PUS7: variants seen among roughly 807,000 people sequenced by gnomAD.
PUS7 encodes the protein pseudouridine synthase 7.
A neutral mutation model predicts 79.8 loss-of-function variants in PUS7; 48 were observed. That is an observed-to-expected ratio of 0.60 (90% confidence interval 0.48 to 0.76). The LOEUF (loss-of-function observed/expected upper bound fraction) is 0.76, where lower values mean the gene tolerates loss of function less well. PUS7 is among the 30% of genes least tolerant of loss of function. The pLI is 0.00. For synonymous variants in PUS7, 286 were observed against 272.2 expected (o/e 1.05, Z -0.50); for missense variants, 729 against 797.6 (o/e 0.91, Z 1.04).
At chr7:105,496,003 T>C (rs1205360174) in intron 5 of PUS7, among the ~76,000 whole-genome samples, 6 of 151,524 alleles carry the variant, frequency 4.0e-5, no homozygotes, top group Non-Finnish European at 5.9e-5. Context: ...CTACTAAAAA[T>C]ACAAAAATTA....
At chr7:105,511,757 T>A (rs1825710485) in intron 1 of PUS7, among the ~76,000 whole-genome samples, 2 of 151,776 alleles carry the variant, frequency 1.3e-5, no homozygotes, top group Admixed American at 6.6e-5. Context: ...CGAGTCTCCA[T>A]CTCAAACAAA....
chr7:105,470,484 C>G (rs1823827860), intron 11 of PUS7: 1 of 425,018 alleles, frequency 2.4e-6, no homozygotes. Context: ...TTTCTTGTGC[C>G]CTCAATAAGT....
intron 9 of PUS7, among the ~76,000 whole-genome samples, chr7:105,476,149 A>T (rs914582979): frequency 6.7e-6 from 1 of 148,846 alleles, no homozygotes; most frequent in African/African-American, 2.5e-5. Flanking sequence ...AAAAAAAAAA[A>T]TTCCTCCTTT....
intron 9 of PUS7, among the ~76,000 whole-genome samples, chr7:105,475,254 C>G (rs557815915): frequency 6.6e-6 from 1 of 152,036 alleles, no homozygotes; most frequent in Non-Finnish European, 1.5e-5. Context: ...GGCACGATCT[C>G]GGCTCACTGC....
chr7:105,459,228 G>GA lies in PUS7; in HGVS notation c.1788dup (p.Pro597SerfsTer21). The GA allele has an allele frequency of 6.2e-7, 1 of 1,611,134 alleles. No homozygotes were observed. Among genetic ancestry groups the GA allele is most frequent in the Non-Finnish European group, 8.5e-7 (1 of 1,178,326 alleles). On this transcript the variant is annotated frameshift_variant, in exon 15 of 16. Transcript: ENST00000469408. LOFTEE classifies it high-confidence loss of function. ...TTGTCCACATCTGTGTTGAAAAGTG[G>GA]AATTTTGGGATCATCATATGCAACG...
chr7:105,515,280 C>A (rs1006725891), intron 1 of PUS7, among the ~76,000 whole-genome samples: 1 of 152,120 alleles, frequency 6.6e-6, no homozygotes, highest in Non-Finnish European at 1.5e-5. Context: ...AAACCCTGTA[C>A]GAAAAATGTT....
intron 7 of PUS7, among the ~76,000 whole-genome samples, chr7:105,490,062 T>A (rs1824718897): frequency 6.9e-6 from 1 of 144,618 alleles, no homozygotes; most frequent in African/African-American, 2.6e-5. Flanking sequence ...GAAGTTGCAG[T>A]AAGCCAAGAT....
At chr7:105,482,610 T>C (rs1482141631) in intron 7 of PUS7, among the ~76,000 whole-genome samples, 170 bp from the exon 8 acceptor site, 1 of 152,188 alleles carries the variant, frequency 6.6e-6, no homozygotes, top group Non-Finnish European at 1.5e-5. Flanking sequence ...CTCTTCTCTC[T>C]GCATTCTTCC....
chr7:105,503,382 T>C (rs1354291802), intron 4 of PUS7, among the ~76,000 whole-genome samples: 1 of 152,206 alleles, frequency 6.6e-6, no homozygotes, highest in Non-Finnish European at 1.5e-5. Flanking sequence ...TTGAATTATA[T>C]TCTGAATTAT....
intron 9 of PUS7, among the ~76,000 whole-genome samples, chr7:105,478,668 T>C (rs962605488): frequency 2.0e-5 from 3 of 152,248 alleles, no homozygotes; most frequent in Non-Finnish European, 2.9e-5. Context: ...CTTTCTGTTC[T>C]TGAGTTGTAA....
intron 5 of PUS7, among the ~76,000 whole-genome samples, chr7:105,499,146 C>A (rs964741012): frequency 5.9e-5 from 9 of 152,242 alleles, no homozygotes; most frequent in African/African-American, 2.2e-4. Flanking sequence ...ACACCAACAA[C>A]TTCCATGTTG....
At chr7:105,511,094 C>T (rs1012925695) in intron 1 of PUS7, among the ~76,000 whole-genome samples, 38 of 139,284 alleles carry the variant, frequency 2.7e-4, no homozygotes, top group African/African-American at 8.9e-4. Context: ...TGCAGTGGCA[C>T]GATCTTGGCT....
intron 9 of PUS7, among the ~76,000 whole-genome samples, chr7:105,479,946 G>T (rs533484513): frequency 2.0e-5 from 3 of 151,156 alleles, no homozygotes; most frequent in African/African-American, 7.3e-5. Flanking sequence ...TGCAGTGAGC[G>T]GAGATGGCAC....
intron 1 of PUS7, among the ~76,000 whole-genome samples, chr7:105,517,568 T>A (rs1322590585): frequency 6.6e-6 from 1 of 152,166 alleles, no homozygotes; most frequent in Non-Finnish European, 1.5e-5. Context: ...AACAGTATTT[T>A]AAAACCCTTT....
In PUS7 at chr7:105,483,557, G is replaced by A. The variant is rs558829515; in HGVS notation, c.921-1117C>T. ...CAGGTGATCCACCCACATTGGCCTCGCACAGTGCTGCGATTACAGGCGTGA... is the reference window on the plus strand; with the variant it reads ...CAGGTGATCCACCCACATTGGCCTCACACAGTGCTGCGATTACAGGCGTGA... On this transcript the variant is annotated intron_variant, in intron 7 of 15. Coordinates refer to ENST00000469408, the MANE Select transcript of PUS7 (RefSeq NM_019042.5). 1.3e-4 allele frequency among the ~76,000 whole-genome samples: 19 copies of A among 151,892 alleles called. No individual in the cohort carries two copies. In the South Asian group the frequency reaches 2.7e-3, roughly 22 times the overall value.
intron 1 of PUS7, among the ~76,000 whole-genome samples, chr7:105,512,307 G>A (rs981004932): frequency 2.0e-5 from 3 of 152,048 alleles, no homozygotes; most frequent in African/African-American, 7.2e-5. Context: ...TCCTGAACAG[G>A]TGTAGTCAAA....
intron 7 of PUS7, among the ~76,000 whole-genome samples, chr7:105,486,562 G>A (rs766743585): frequency 2.0e-5 from 3 of 152,168 alleles, no homozygotes; most frequent in Non-Finnish European, 2.9e-5. Context: ...ATCTAGAAGC[G>A]GAGGATCAGT....
intron 7 of PUS7, among the ~76,000 whole-genome samples, chr7:105,491,118 T>A (rs1376669079): frequency 6.6e-6 from 1 of 152,208 alleles, no homozygotes; most frequent in East Asian, 1.9e-4. Context: ...ACATCCAAAG[T>A]ATATCTCTAT....
chr7:105,463,633 C>G lies in PUS7; in HGVS notation c.1628-883G>C, dbSNP rs146669529. Among the ~76,000 whole-genome samples the G allele has an allele frequency of 4.2e-3, 489 of 115,384 alleles. 10 individuals carry two copies. In the Admixed American group the frequency reaches 0.049, roughly 12 times the overall value. 75.7% of individuals were successfully genotyped at this position (115,384 alleles called of 152,430 possible). ...AATTTACATTTATTCCTATTAAATA[C>G]CTTCTGCAGTTCTTTTTTTTTTTTT... is the stretch of plus-strand genomic sequence containing the variant. On this transcript the variant is annotated intron_variant, in intron 13 of 15. Coordinates refer to ENST00000469408, the MANE Select transcript of PUS7 (RefSeq NM_019042.5).
Sources: gnomAD v4.1 joint callset for allele counts (sites outside exome capture counted in the v4.1 genomes callset) on GRCh38, gnomAD v4.1.1 for gene constraint, MANE v1.5 for transcripts, NCBI Gene and HGNC (gene_info 2026-07-23, HGNC 2026-07-21) for gene names.